Variants in OR7E24 observed in about 807,000 individuals in gnomAD.
The protein encoded by OR7E24 is olfactory receptor 7E24.
For synonymous variants in OR7E24, 130 were observed against 157.5 expected, an observed-to-expected ratio of 0.83 and a Z score of 1.31; for missense variants, 385 against 410.3, an observed-to-expected ratio of 0.94 and a Z score of 0.53.
At chr19:9,219,898 G>A in the OR7E24 span, among the ~76,000 whole-genome samples, 18 of 152,198 alleles carry the variant, frequency 1.2e-4, no homozygotes, top group Non-Finnish European at 2.1e-4. Context: ...TTGCCCTAAG[G>A]AAAGATTAAT....
At chr19:9,217,193 G>C in the OR7E24 span, among the ~76,000 whole-genome samples, 1 of 152,210 alleles carries the variant, frequency 6.6e-6, no homozygotes, top group Non-Finnish European at 1.5e-5. Flanking sequence ...GACAAGGCCT[G>C]AGAGAATGTG....
the OR7E24 span, among the ~76,000 whole-genome samples, chr19:9,223,126 T>C: frequency 3.9e-5 from 6 of 152,240 alleles, no homozygotes; most frequent in Non-Finnish European, 8.8e-5. Context: ...ATTTGCACCA[T>C]CCTTGTGAGG....
chr19:9,242,896 CCT>C (rs1204989391), upstream of OR7E24, among the ~76,000 whole-genome samples: 1 of 152,058 alleles, frequency 6.6e-6, no homozygotes, highest in East Asian at 1.9e-4. Flanking sequence ...CTCATTCCCT[CCT>C]CTTTCTTCTC....
the OR7E24 span, among the ~76,000 whole-genome samples, chr19:9,233,934 C>T: frequency 2.0e-5 from 3 of 148,224 alleles, no homozygotes; most frequent in Non-Finnish European, 4.5e-5. Context: ...TATAGAGTCT[C>T]ACTCTGTCAC....
the OR7E24 span, among the ~76,000 whole-genome samples, chr19:9,229,442 G>A: frequency 3.3e-5 from 5 of 151,810 alleles, no homozygotes; most frequent in African/African-American, 1.2e-4. Flanking sequence ...GACTGAGGCA[G>A]GAGAATCACT....
the OR7E24 span, among the ~76,000 whole-genome samples, chr19:9,233,739 C>G: frequency 6.6e-6 from 1 of 152,092 alleles, no homozygotes; most frequent in Non-Finnish European, 1.5e-5. Flanking sequence ...ATGTTAAGAA[C>G]GGAAGCTCAC....
the OR7E24 span, among the ~76,000 whole-genome samples, chr19:9,221,630 C>A: frequency 6.6e-6 from 1 of 152,000 alleles, no homozygotes; most frequent in African/African-American, 2.4e-5. Flanking sequence ...GGATTACAGG[C>A]GTGAGCCACC....
At chr19:9,217,957 C>A in the OR7E24 span, among the ~76,000 whole-genome samples, 133 of 152,228 alleles carry the variant, frequency 8.7e-4, 1 homozygote, top group African/African-American at 3.0e-3. Context: ...ATTTGAGATG[C>A]CAGTGAGATG....
rs2066149392 is a variant in OR7E24, at chr19:9,251,745, C to G, written c.702C>G (p.Phe234Leu). 6.2e-7 allele frequency: 1 copy of G among 1,611,974 alleles called. No individual in the cohort carries two copies. Among genetic ancestry groups the G allele is most frequent in the East Asian group, 2.2e-5 (1 of 44,866 alleles). Residue 234 changes from phenylalanine (F) to leucine (L), a missense_variant, in exon 1 of 1, where the codon TTC (phenylalanine) becomes TTG (leucine). By Grantham distance (22) the Phe-to-Leu change is conservative. Transcript: ENST00000456448. ...FGCLPISGILFSYYKIVSPIL... is the reference protein window; with the variant it reads ...FGCLPISGILLSYYKIVSPIL... Reference sequence around the variant, plus strand: ...GTCTCCCTATCTCAGGGATCCTTTTCTCTTACTATAAAATTGTTTCCCCCA... The same window carrying G: ...GTCTCCCTATCTCAGGGATCCTTTTGTCTTACTATAAAATTGTTTCCCCCA...
At chr19:9,238,202 G>A in the OR7E24 span, among the ~76,000 whole-genome samples, 1 of 152,132 alleles carries the variant, frequency 6.6e-6, no homozygotes, top group African/African-American at 2.4e-5. Context: ...GAAGCTGGGA[G>A]GCAGAGGTTG....
At chr19:9,215,406 T>G in the OR7E24 span, among the ~76,000 whole-genome samples, 41 of 152,200 alleles carry the variant, frequency 2.7e-4, 2 homozygotes, top group African/African-American at 9.4e-4. Flanking sequence ...ATTCCCCCAT[T>G]TGTATCTATG....
chr19:9,245,759 A>T (rs781154196), upstream of OR7E24, among the ~76,000 whole-genome samples: 1 of 152,324 alleles, frequency 6.6e-6, no homozygotes, highest in African/African-American at 2.4e-5. Flanking sequence ...CCTATACATT[A>T]GTTATTGAAA....
chr19:9,225,420 A>G, the OR7E24 span, among the ~76,000 whole-genome samples: 1 of 138,208 alleles, frequency 7.2e-6, no homozygotes, highest in Non-Finnish European at 1.6e-5. Flanking sequence ...AGGGGAAGGA[A>G]GGGAAGGAAG....
chr19:9,237,288 G>T, the OR7E24 span, among the ~76,000 whole-genome samples: 1 of 150,156 alleles, frequency 6.7e-6, no homozygotes, highest in East Asian at 2.0e-4. Context: ...GTTCCTCTAG[G>T]TTTTTTTAAA....
At chr19:9,207,932 T>C in the OR7E24 span, 1 of 152,236 alleles carries the variant, frequency 6.6e-6, no homozygotes, top group Non-Finnish European at 1.5e-5. Flanking sequence ...TGTTACCACA[T>C]TGTGTCCTTT....
At chr19:9,245,404 G>A (rs1429186406), upstream of OR7E24, among the ~76,000 whole-genome samples, 3 of 152,070 alleles carry the variant, frequency 2.0e-5, no homozygotes, top group Non-Finnish European at 4.4e-5. Flanking sequence ...AAAACCTGTC[G>A]AGTTTTGGTG....
the OR7E24 span, among the ~76,000 whole-genome samples, chr19:9,228,389 C>T: frequency 6.6e-6 from 1 of 152,248 alleles, no homozygotes; most frequent in African/African-American, 2.4e-5. Flanking sequence ...ACACATTCCC[C>T]TATTGTCCAG....
chr19:9,228,146 G>A, the OR7E24 span, among the ~76,000 whole-genome samples: 1 of 152,096 alleles, frequency 6.6e-6, no homozygotes, highest in African/African-American at 2.4e-5. Context: ...CAGTGTATAA[G>A]CATTCCTTTT....
the OR7E24 span, chr19:9,219,192 G>T: frequency 6.6e-6 from 1 of 152,094 alleles, no homozygotes; most frequent in Non-Finnish European, 1.5e-5. Context: ...GGAACACATA[G>T]ACAATACCTT....
Sources: gnomAD v4.1 joint callset for allele counts (sites outside exome capture counted in the v4.1 genomes callset) on GRCh38, gnomAD v4.1.1 for gene constraint, MANE v1.5 for transcripts, NCBI Gene and HGNC (gene_info 2026-07-23, HGNC 2026-07-21) for gene names.